Variants in MMP16 observed in about 807,000 individuals in gnomAD.
MMP16 encodes the protein matrix metalloproteinase-16.
MMP16 carries 12 observed loss-of-function variants against 67.8 expected under a neutral mutation model. The ratio of observed to expected loss-of-function variants is 0.18; its 90% CI spans 0.11 to 0.29. The LOEUF (loss-of-function observed/expected upper bound fraction) is 0.29, where lower values mean the gene tolerates loss of function less well. Ranked by LOEUF, MMP16 falls within the 10% of genes least tolerant of loss-of-function variation. The pLI is 1.00. For synonymous variants in MMP16, 249 were observed against 255.9 expected (o/e 0.97, Z 0.26); for missense variants, 475 against 765.7 (o/e 0.62, Z 4.48).
At chr8:88,308,514 C>T (rs928182882) in intron 1 of MMP16, among the ~76,000 whole-genome samples, 2 of 151,974 alleles carry the variant, frequency 1.3e-5, no homozygotes, top group African/African-American at 2.4e-5. Flanking sequence ...CCATTACATT[C>T]TATAGTAGTT....
At chr8:88,185,454 A>T (rs1444731605) in intron 3 of MMP16, among the ~76,000 whole-genome samples, 1 of 152,144 alleles carries the variant, frequency 6.6e-6, no homozygotes, top group Non-Finnish European at 1.5e-5. Context: ...AAGAAAAAAA[A>T]ACGTCGCCAA....
chr8:88,244,645 G>C (rs1457488314), intron 1 of MMP16, among the ~76,000 whole-genome samples: 1 of 152,094 alleles, frequency 6.6e-6, no homozygotes, highest in African/African-American at 2.4e-5. Flanking sequence ...CAAAGACATG[G>C]AGAGGCTACA....
chr8:88,194,275 T>C (rs1809216132), intron 2 of MMP16, among the ~76,000 whole-genome samples: 1 of 152,108 alleles, frequency 6.6e-6, no homozygotes, highest in African/African-American at 2.4e-5. Flanking sequence ...GACAAGAGTC[T>C]AAAATTAGAC....
chr8:88,107,767 G>T (rs929155201), intron 6 of MMP16, among the ~76,000 whole-genome samples: 20 of 150,370 alleles, frequency 1.3e-4, no homozygotes, highest in African/African-American at 4.1e-4. Context: ...TATATATTTT[G>T]GTATTAATTA....
At chr8:88,143,861 C>T (rs1042352967) in intron 4 of MMP16, among the ~76,000 whole-genome samples, 1 of 151,866 alleles carries the variant, frequency 6.6e-6, no homozygotes, top group Admixed American at 6.6e-5. Flanking sequence ...TTACTGAGGC[C>T]AGGAATCAGA....
intron 3 of MMP16, among the ~76,000 whole-genome samples, chr8:88,178,396 T>C (rs1808926998): frequency 6.6e-6 from 1 of 152,004 alleles, no homozygotes; most frequent in Admixed American, 6.6e-5. Context: ...CAAACAGAAA[T>C]TAAGAATGCC....
intron 1 of MMP16, among the ~76,000 whole-genome samples, chr8:88,254,826 T>G (rs1466116826): frequency 6.6e-6 from 1 of 152,086 alleles, no homozygotes; most frequent in Non-Finnish European, 1.5e-5. Context: ...CTAAGGAAAT[T>G]TTAATAAACT....
chr8:88,143,134 T>C (rs1372961567), intron 4 of MMP16, among the ~76,000 whole-genome samples: 3 of 152,094 alleles, frequency 2.0e-5, no homozygotes, highest in Non-Finnish European at 4.4e-5. Flanking sequence ...ATTTAAAATA[T>C]CTCGGTAAAT....
At chr8:88,280,747 G>A (rs968886225) in intron 1 of MMP16, among the ~76,000 whole-genome samples, 12 of 152,034 alleles carry the variant, frequency 7.9e-5, no homozygotes, top group African/African-American at 2.2e-4. Flanking sequence ...TTAGCCAGGC[G>A]TGGTGCTGGT....
intron 4 of MMP16, among the ~76,000 whole-genome samples, chr8:88,157,936 C>T (rs188388959): frequency 6.6e-6 from 1 of 151,672 alleles, no homozygotes; most frequent in Admixed American, 6.6e-5. Flanking sequence ...GTTTTTTGTC[C>T]TTGCAATAGT....
At chr8:88,177,395 A>C (rs1178350964) in intron 3 of MMP16, among the ~76,000 whole-genome samples, 1 of 152,172 alleles carries the variant, frequency 6.6e-6, no homozygotes, top group African/African-American at 2.4e-5. Flanking sequence ...CCAAAAGTGG[A>C]GAGAGGGGCA....
At chr8:88,144,841 A>T (rs1808266074) in intron 4 of MMP16, among the ~76,000 whole-genome samples, 1 of 152,014 alleles carries the variant, frequency 6.6e-6, no homozygotes, top group African/African-American at 2.4e-5. Context: ...AAAACCTGTA[A>T]GTGGTGAGTT....
intron 4 of MMP16, among the ~76,000 whole-genome samples, chr8:88,160,643 G>A (rs1808603496): frequency 6.6e-6 from 1 of 152,068 alleles, no homozygotes; most frequent in African/African-American, 2.4e-5. Flanking sequence ...ACAGGTGCTG[G>A]AGAGGATGTG....
At chr8:88,302,243 ACAT>A (rs1811114980) in intron 1 of MMP16, among the ~76,000 whole-genome samples, 1 of 152,228 alleles carries the variant, frequency 6.6e-6, no homozygotes. Flanking sequence ...CTTTGCTGTC[ACAT>A]CATCAAATAA....
At chr8:88,280,360 C>T (rs1810713368) in intron 1 of MMP16, among the ~76,000 whole-genome samples, 1 of 151,854 alleles carries the variant, frequency 6.6e-6, no homozygotes, top group Non-Finnish European at 1.5e-5. Flanking sequence ...GTAAGGACAT[C>T]AAAAAAGGAA....
intron 4 of MMP16, among the ~76,000 whole-genome samples, chr8:88,156,154 A>G (rs1004179925): frequency 6.6e-6 from 1 of 152,110 alleles, no homozygotes; most frequent in Non-Finnish European, 1.5e-5. Context: ...ATGATAACCC[A>G]TAGAGAGGCT....
intron 1 of MMP16, among the ~76,000 whole-genome samples, chr8:88,274,553 G>A (rs927644231): frequency 1.3e-5 from 2 of 151,966 alleles, no homozygotes; most frequent in African/African-American, 4.8e-5. Context: ...AAAAAGAAAT[G>A]CATTGAATAA....
At chr8:88,177,601 A>G (rs1808913446) in intron 3 of MMP16, among the ~76,000 whole-genome samples, 1 of 152,188 alleles carries the variant, frequency 6.6e-6, no homozygotes, top group Non-Finnish European at 1.5e-5. Context: ...CATGGGGAGG[A>G]AAAAAAGCAA....
At chr8:88,138,684 C>T (rs1455969295) in intron 4 of MMP16, among the ~76,000 whole-genome samples, 2 of 152,012 alleles carry the variant, frequency 1.3e-5, no homozygotes, top group Non-Finnish European at 2.9e-5. Context: ...AAGTCTCAAC[C>T]AGAATTGGCA....
Sources: gnomAD v4.1 joint callset for allele counts (sites outside exome capture counted in the v4.1 genomes callset) on GRCh38, gnomAD v4.1.1 for gene constraint, MANE v1.5 for transcripts, NCBI Gene and HGNC (gene_info 2026-07-23, HGNC 2026-07-21) for gene names.